AAAS: variants seen among roughly 807,000 people sequenced by gnomAD.
AAAS encodes the protein aladin WD repeat nucleoporin.
AAAS carries 60 observed loss-of-function variants against 75.6 expected under a neutral mutation model. The observed-to-expected ratio is 0.79, with a 90% CI of 0.64 to 0.98. The LOEUF (loss-of-function observed/expected upper bound fraction) is 0.98. Among genes scored for constraint, AAAS ranks in the 50% least tolerant of loss-of-function variants. The pLI, the probability that AAAS is intolerant of heterozygous loss-of-function variation, is 0.00. For synonymous variants in AAAS, 271 were observed against 265.0 expected, an observed-to-expected ratio of 1.02 and a Z score of -0.22; for missense variants, 658 against 686.9, an observed-to-expected ratio of 0.96 and a Z score of 0.47.
chr12:53,308,586 CT>C (rs1170918444), intron 11 of AAAS, 58 bp from the exon 12 acceptor site: 25 of 1,608,816 alleles, frequency 1.6e-5, no homozygotes, highest in Non-Finnish European at 2.0e-5. Flanking sequence ...CACTGGTCCC[CT>C]GCCAGCTCAC....
At position 53,314,457 on chromosome 12, in the gene AAAS, A is replaced by G; in HGVS notation, c.546-16T>C. The G allele has an allele frequency of 6.2e-7, 1 of 1,613,830 alleles. No homozygotes were observed. Among genetic ancestry groups the G allele is most frequent in the Admixed American group, 1.7e-5 (1 of 60,006 alleles). ...GACTATGGTGCTAGGGTGAAGGGGCAGGAAACTGAGTCAAGGCAGGAACAC... is the reference window on the plus strand; with the variant it reads ...GACTATGGTGCTAGGGTGAAGGGGCGGGAAACTGAGTCAAGGCAGGAACAC... On this transcript the variant is annotated splice_polypyrimidine_tract_variant and intron_variant, in intron 6 of 15. Coordinates refer to ENST00000209873, the MANE Select transcript of AAAS (RefSeq NM_015665.6).
chr12:53,309,281 C>G lies in AAAS; in HGVS notation c.811G>C (p.Val271Leu). The G allele has an allele frequency of 6.2e-7, 1 of 1,613,828 alleles. No homozygotes were observed. Among genetic ancestry groups the G allele is most frequent in the Non-Finnish European group, 8.5e-7 (1 of 1,179,996 alleles). The change falls in exon 9 of 16, where the codon GTA becomes CTA. Residue 271 changes from valine to leucine, a missense_variant and splice_region_variant. By Grantham distance (32) the Val-to-Leu change is conservative. Coordinates refer to ENST00000209873, the MANE Select transcript of AAAS (RefSeq NM_015665.6). ...SASPVDAAIRVWDVSTETCVP... is the reference protein window; with the variant it reads ...SASPVDAAIRLWDVSTETCVP... Reference sequence around the variant, plus strand: ...CAGGTCTCTGTTGAGACATCCCATACCTAGGAGAGTGGGGCAGGAGATAAG... The same window carrying G: ...CAGGTCTCTGTTGAGACATCCCATAGCTAGGAGAGTGGGGCAGGAGATAAG...
At chr12:53,313,958 C>T (rs1394619815) in intron 7 of AAAS, among the ~76,000 whole-genome samples, 2 of 152,114 alleles carry the variant, frequency 1.3e-5, no homozygotes, top group Admixed American at 1.3e-4. Flanking sequence ...AGTTAGTTTT[C>T]ACAGGTATTC....
rs757499878 is a variant in AAAS at position 53,315,121 on chromosome 12, A to T, written c.419T>A (p.Ile140Asn). 1.2e-6 allele frequency: 2 copies of T among 1,614,158 alleles called. No homozygotes were observed. The highest frequency in any genetic ancestry group is 1.7e-6 in the Non-Finnish European group (2 of 1,180,024). Residue 140 changes from isoleucine to asparagine, a missense_variant, in exon 5 of 16, where the codon ATC (isoleucine) becomes AAC (asparagine). Physicochemically the swap from Ile to Asn is moderately radical, Grantham distance 149 (BLOSUM62 -3). Coordinates refer to ENST00000209873, the MANE Select transcript of AAAS (RefSeq NM_015665.6). Reference protein sequence around the residue: ...PHLSLRSEDLIAEFAQVTNWS... With the variant: ...PHLSLRSEDLNAEFAQVTNWS... ...ATTTGTGACTTGGGCAAATTCAGCG[A>T]TCAGATCTTCGCTCCTGAGCTGTAA...
chr12:53,310,508 C>T (rs916943547), intron 7 of AAAS, among the ~76,000 whole-genome samples: 4 of 150,390 alleles, frequency 2.7e-5, no homozygotes, highest in Non-Finnish European at 5.9e-5. Context: ...TGCAGTGAGC[C>T]GAGATTGCAC....
intron 1 of AAAS, chr12:53,321,132 G>A: frequency 1.4e-6 from 1 of 694,688 alleles, no homozygotes. Flanking sequence ...ATTCCCTCTA[G>A]GCCTCCTCCA....
chr12:53,314,920 C>A, intron 5 of AAAS, 71 bp from the exon 6 acceptor site: 1 of 1,519,640 alleles, frequency 6.6e-7, no homozygotes. Context: ...ACATTCATTT[C>A]CAGTAAGGAC....
At chr12:53,317,556 CA>C (rs34260054) in intron 2 of AAAS, among the ~76,000 whole-genome samples, 137,775 of 140,836 alleles carry the variant, frequency 0.98, 67,531 homozygotes, top group Non-Finnish European at 1. Context: ...GACTCCGTCT[CA>C]AAAAAAAAAA....
At chr12:53,312,609 C>T (rs529009797) in intron 7 of AAAS, among the ~76,000 whole-genome samples, 1 of 151,650 alleles carries the variant, frequency 6.6e-6, no homozygotes, top group South Asian at 2.1e-4. Flanking sequence ...ATTTTCAAAT[C>T]TGTTGGCCTA....
chr12:53,319,112 C>T (rs59542040), intron 2 of AAAS, among the ~76,000 whole-genome samples: 1 of 152,100 alleles, frequency 6.6e-6, no homozygotes, highest in South Asian at 2.1e-4. Context: ...CACAAAATTA[C>T]AGATGAACAT....
Position 53,309,598 on chromosome 12 carries a change from C to T in AAAS, c.810+3G>A, listed in dbSNP as rs763036297. ...TGTGCATGAGGGGCAGGGACCCACT[C>T]ACCCGGATAGCAGCATCCACGGGTG... is the stretch of plus-strand genomic sequence containing the variant. On this transcript the variant is annotated splice_donor_region_variant and intron_variant, in intron 8 of 15. Transcript: ENST00000209873. 1.3e-5 allele frequency: 21 copies of T among 1,613,620 alleles called. No individual in the cohort carries two copies. The highest frequency in any genetic ancestry group is 1.7e-5 in the Non-Finnish European group (20 of 1,179,914).
Position 53,308,269 on chromosome 12 carries a change from C to T in AAAS, c.1249+13G>A, listed in dbSNP as rs201688012. On this transcript the variant is annotated intron_variant, in intron 13 of 15. Coordinates refer to ENST00000209873, the MANE Select transcript of AAAS (RefSeq NM_015665.6). ...GATGGCTGTGGGCTGAGCCCTTCAT[C>T]CTTGCCTCTCACCTTTCATAAGCAC... The T allele has an allele frequency of 1.9e-6, 3 of 1,614,164 alleles. No individual in the cohort carries two copies. The East Asian group carries it at 6.7e-5, about 36-fold the overall frequency.
At position 53,321,528 on chromosome 12, in the gene AAAS, T is replaced by C. The variant is rs1383791676; in HGVS notation, c.-63A>G. 6.2e-7 allele frequency: 1 copy of C among 1,610,288 alleles called. No homozygotes were observed. The highest frequency in any genetic ancestry group is 8.5e-7 in the Non-Finnish European group (1 of 1,179,566). On this transcript the variant is annotated 5_prime_UTR_variant, in exon 1 of 16. Coordinates refer to ENST00000209873, the MANE Select transcript of AAAS (RefSeq NM_015665.6). The stretch of plus-strand genomic sequence containing the variant: ...CTGGCCGGAACGGCACAGACCGCAC[T>C]CCCGCAACTCGGTTCCCGGGCTAGA...
At chr12:53,315,593 T>G in intron 3 of AAAS, 134 bp downstream of exon 3, 1 of 1,264,474 alleles carries the variant, frequency 7.9e-7, no homozygotes, top group Non-Finnish European at 1.1e-6. Context: ...CTCTGGGTTA[T>G]TTGGGTAGGT....
chr12:53,321,566 C>A lies in AAAS; in HGVS notation c.-101G>T. 6.3e-7 allele frequency: 1 copy of A among 1,592,924 alleles called. No individual in the cohort carries two copies. Among genetic ancestry groups the A allele is most frequent in the Non-Finnish European group, 8.5e-7 (1 of 1,170,628 alleles). On this transcript the variant is annotated 5_prime_UTR_variant, in exon 1 of 16. Transcript: ENST00000209873. ...TTCCCGGGCTAGATTCGTATGCGGA[C>A]GGGTACCGCAAGGGACAAACGGCGA...
At chr12:53,308,189 C>T (rs2121082692) in intron 13 of AAAS, 56 bp from the exon 14 acceptor site, 5 of 1,611,990 alleles carry the variant, frequency 3.1e-6, no homozygotes, top group Non-Finnish European at 4.2e-6. Flanking sequence ...AGTCCCAGGA[C>T]ATGGGCAGAG....
chr12:53,320,810 C>A (rs1565784911), intron 1 of AAAS, 118 bp from the exon 2 acceptor site: 1 of 1,217,314 alleles, frequency 8.2e-7, no homozygotes, highest in East Asian at 2.5e-5. Flanking sequence ...GTCTGTTTCC[C>A]ATTTCCACAA....
intron 7 of AAAS, among the ~76,000 whole-genome samples, chr12:53,313,927 C>A (rs1944427988): frequency 6.6e-6 from 1 of 152,076 alleles, no homozygotes; most frequent in African/African-American, 2.4e-5. Context: ...ATTTAAAGAA[C>A]CAGTTTCTGG....
At chr12:53,310,174 C>G (rs1442033962) in intron 7 of AAAS, among the ~76,000 whole-genome samples, 1 of 152,214 alleles carries the variant, frequency 6.6e-6, no homozygotes, top group East Asian at 1.9e-4. Context: ...TAACACTCCT[C>G]AGAACACATC....
Sources: allele counts gnomAD v4.1 joint callset (sites outside exome capture counted in the v4.1 genomes callset), GRCh38; gene constraint gnomAD v4.1.1; transcripts MANE v1.5; gene names NCBI Gene and HGNC (gene_info 2026-07-23, HGNC 2026-07-21).